DPYD: variants seen among roughly 807,000 people sequenced by gnomAD.
The protein encoded by DPYD is dihydropyrimidine dehydrogenase, also known as dihydropyrimidine dehydrogenase [NADP(+)].
In DPYD, 109 loss-of-function variants were observed where a neutral mutation model predicts 116.2. That is an observed-to-expected ratio of 0.94 (90% confidence interval 0.80 to 1.10). The LOEUF is 1.10. DPYD is among the 50% of genes least tolerant of loss of function. The probability of loss-of-function intolerance (pLI) is 0.00; values close to 1 mark genes in which losing one functional copy is unlikely to be tolerated. For missense variants in DPYD, 1,302 were observed against 1,254.5 expected (o/e 1.04, Z -0.57); for synonymous variants, 440 against 432.0 (o/e 1.02, Z -0.23).
At chr1:97,227,493 T>G (rs1270458939) in intron 19 of DPYD, among the ~76,000 whole-genome samples, 1 of 151,988 alleles carries the variant, frequency 6.6e-6, no homozygotes, top group East Asian at 1.9e-4. Flanking sequence ...CATTGCATGC[T>G]TATATTAAAA....
At chr1:97,314,479 G>A (rs1041794742) in intron 16 of DPYD, among the ~76,000 whole-genome samples, 2 of 142,012 alleles carry the variant, frequency 1.4e-5, no homozygotes, top group Non-Finnish European at 1.5e-5. Flanking sequence ...CCACTTAGTC[G>A]CTAAAGCTTT....
intron 5 of DPYD, among the ~76,000 whole-genome samples, chr1:97,716,790 T>C (rs776787715): frequency 1.3e-5 from 2 of 152,082 alleles, no homozygotes; most frequent in African/African-American, 2.4e-5. Flanking sequence ...ACATAGACCA[T>C]ATTCATCAAT....
intron 2 of DPYD, among the ~76,000 whole-genome samples, chr1:97,845,565 G>T (rs139506048): frequency 1.3e-5 from 2 of 152,280 alleles, no homozygotes; most frequent in African/African-American, 4.8e-5. Context: ...TTTCTACCTT[G>T]CTCTCCCTCC....
At chr1:97,788,055 C>A (rs1015538589) in intron 3 of DPYD, among the ~76,000 whole-genome samples, 6 of 152,162 alleles carry the variant, frequency 3.9e-5, no homozygotes, top group Admixed American at 6.5e-5. Flanking sequence ...CCCTCCCATC[C>A]CTGTATGTCC....
At chr1:97,104,592 C>T (rs1233734495) in intron 20 of DPYD, among the ~76,000 whole-genome samples, 2 of 151,972 alleles carry the variant, frequency 1.3e-5, no homozygotes, top group African/African-American at 2.4e-5. Flanking sequence ...AGGTGTCATC[C>T]GAGCTAAACT....
intron 3 of DPYD, among the ~76,000 whole-genome samples, chr1:97,756,399 C>A (rs1188026272): frequency 6.6e-6 from 1 of 152,070 alleles, no homozygotes; most frequent in African/African-American, 2.4e-5. Context: ...GGGAAGATCT[C>A]TGATGGAAGT....
intron 14 of DPYD, among the ~76,000 whole-genome samples, chr1:97,392,131 T>C (rs1672740830): frequency 6.6e-6 from 1 of 152,040 alleles, no homozygotes; most frequent in African/African-American, 2.4e-5. Flanking sequence ...ATTGCAGGTT[T>C]GATTCCAGAT....
chr1:97,817,314 G>A (rs1372174643), intron 3 of DPYD, among the ~76,000 whole-genome samples: 1 of 152,052 alleles, frequency 6.6e-6, no homozygotes, highest in Admixed American at 6.6e-5. Flanking sequence ...GTCAGAATGG[G>A]AGACTTTTTT....
At chr1:97,661,725 T>C (rs1659269305) in intron 8 of DPYD, among the ~76,000 whole-genome samples, 1 of 152,140 alleles carries the variant, frequency 6.6e-6, no homozygotes, top group Non-Finnish European at 1.5e-5. Context: ...ATCACTTTTA[T>C]GATGAACATG....
chr1:97,712,600 G>A (rs1013453190), intron 5 of DPYD, among the ~76,000 whole-genome samples: 10 of 151,722 alleles, frequency 6.6e-5, no homozygotes, highest in African/African-American at 1.2e-4. Flanking sequence ...TCTCATTTAC[G>A]TTGAGTGAAT....
At chr1:97,842,926 C>T (rs556127369) in intron 2 of DPYD, among the ~76,000 whole-genome samples, 2 of 152,176 alleles carry the variant, frequency 1.3e-5, no homozygotes, top group South Asian at 2.1e-4. Context: ...TTGTTCTGCA[C>T]TTGGTGGAGA....
In DPYD at chr1:97,222,229, G is replaced by C. The variant is rs181784815; in HGVS notation, c.2442+12623C>G. ...TCTGCATACAATTCAAATAGGAACG[G>C]ACAGTAGAAAGGATTTGTCAGGGAC... On this transcript the variant is annotated intron_variant, in intron 19 of 22. Transcript: ENST00000370192. 3.0e-3 allele frequency among the ~76,000 whole-genome samples: 462 copies of C among 152,182 alleles called. 2 individuals carry two copies. Among genetic ancestry groups the C allele is most frequent in the Non-Finnish European group, 5.3e-3 (357 of 67,928 alleles).
At chr1:97,857,478 C>T (rs528821342) in intron 2 of DPYD, among the ~76,000 whole-genome samples, 1 of 152,246 alleles carries the variant, frequency 6.6e-6, no homozygotes, top group Non-Finnish European at 1.5e-5. Context: ...AGCTGATTAC[C>T]AATGGCCATG....
chr1:97,569,829 C>A (rs1417572593), intron 11 of DPYD, among the ~76,000 whole-genome samples: 1 of 151,922 alleles, frequency 6.6e-6, no homozygotes, highest in Non-Finnish European at 1.5e-5. Context: ...ATATTCCATG[C>A]ACATGGATAT....
chr1:97,584,552 T>C (rs2102223386), intron 10 of DPYD, among the ~76,000 whole-genome samples: 1 of 152,182 alleles, frequency 6.6e-6, no homozygotes, highest in South Asian at 2.1e-4. Context: ...AGGTCTAACA[T>C]GTAAGTCTTT....
At chr1:97,882,401 G>C (rs1357103778) in intron 2 of DPYD, among the ~76,000 whole-genome samples, 2 of 151,860 alleles carry the variant, frequency 1.3e-5, no homozygotes, top group African/African-American at 2.4e-5. Context: ...TCCTCAAAGA[G>C]TTCATAATAT....
intron 7 of DPYD, among the ~76,000 whole-genome samples, chr1:97,686,636 CAAAAAAAAAAAAA>C (rs1159274157): frequency 6.0e-4 from 6 of 10,064 alleles, no homozygotes; most frequent in East Asian, 2.6e-3. Context: ...GACTCTGTCT[CAAAAAAAAAAAAA>C]AAAAAAAAAA....
At chr1:97,651,478 T>A (rs1003495867) in intron 8 of DPYD, among the ~76,000 whole-genome samples, 3 of 152,100 alleles carry the variant, frequency 2.0e-5, no homozygotes, top group African/African-American at 7.2e-5. Flanking sequence ...TTGCAGATGT[T>A]TTCACCCGCT....
chr1:97,393,240 T>C (rs1672813061), intron 14 of DPYD, among the ~76,000 whole-genome samples: 1 of 152,032 alleles, frequency 6.6e-6, no homozygotes, highest in African/African-American at 2.4e-5. Flanking sequence ...CAACTCTTCC[T>C]TTCACTTGAA....
Sources: gnomAD v4.1 joint callset for allele counts (sites outside exome capture counted in the v4.1 genomes callset) on GRCh38, gnomAD v4.1.1 for gene constraint, MANE v1.5 for transcripts, NCBI Gene and HGNC (gene_info 2026-07-23, HGNC 2026-07-21) for gene names.